DACH1: variants seen among roughly 807,000 people sequenced by gnomAD.
DACH1 encodes the protein dachshund homolog 1.
A neutral mutation model predicts 54.2 loss-of-function variants in DACH1; 12 were observed. That is an observed-to-expected ratio of 0.22 (90% confidence interval 0.14 to 0.36). The LOEUF (loss-of-function observed/expected upper bound fraction) is 0.36. DACH1 is among the 10% of genes least tolerant of loss of function. DACH1 has a pLI of 1.00. For missense variants in DACH1, 805 were observed against 929.8 expected (o/e 0.87, Z 1.75); for synonymous variants, 386 against 366.2 (o/e 1.05, Z -0.62).
At chr13:71,747,649 C>T (rs760979563) in intron 1 of DACH1, among the ~76,000 whole-genome samples, 4 of 152,172 alleles carry the variant, frequency 2.6e-5, no homozygotes, top group Non-Finnish European at 4.4e-5. Flanking sequence ...GGCTGGCTTC[C>T]ATACAAGGAT....
rs1318702086 is a variant in DACH1, at chr13:71,640,624, A to G, written c.965-9907T>C. ...TTTTCAATTATTTAATAAACTAGGC[A>G]TTAGATATCTTCATGTTGGTCTAAG... On this transcript the variant is annotated intron_variant, in intron 2 of 10. Coordinates refer to ENST00000613252, the MANE Select transcript of DACH1 (RefSeq NM_080759.6). Among the ~76,000 whole-genome samples the G allele has an allele frequency of 2.0e-5, 3 of 152,078 alleles. No individual in the cohort carries two copies. The East Asian group carries it at 5.8e-4, about 29-fold the overall frequency.
At chr13:71,533,495 A>C (rs1043222063) in intron 6 of DACH1, among the ~76,000 whole-genome samples, 1 of 151,942 alleles carries the variant, frequency 6.6e-6, no homozygotes, top group Non-Finnish European at 1.5e-5. Flanking sequence ...TATTACTTTA[A>C]AGTCATGACC....
intron 1 of DACH1, among the ~76,000 whole-genome samples, chr13:71,794,282 T>C (rs1886952027): frequency 6.6e-6 from 1 of 152,148 alleles, no homozygotes; most frequent in Admixed American, 6.5e-5. Flanking sequence ...CCCATATGTA[T>C]AGTTATTCAC....
intron 1 of DACH1, among the ~76,000 whole-genome samples, chr13:71,801,564 C>A (rs1324919233): frequency 6.6e-6 from 1 of 151,996 alleles, no homozygotes; most frequent in Non-Finnish European, 1.5e-5. Flanking sequence ...CAGGAGTTCG[C>A]GGTTCCAAGT....
chr13:71,533,613 C>T (rs1206279845), intron 6 of DACH1, among the ~76,000 whole-genome samples: 2 of 151,906 alleles, frequency 1.3e-5, no homozygotes, highest in African/African-American at 4.8e-5. Context: ...TCCTATAAAA[C>T]AGCTTGATAT....
chr13:71,837,691 A>C (rs1002376089), intron 1 of DACH1, among the ~76,000 whole-genome samples: 1 of 131,924 alleles, frequency 7.6e-6, no homozygotes, highest in Non-Finnish European at 1.5e-5. Flanking sequence ...ACTATAAATC[A>C]TGCTGCTATA....
chr13:71,773,867 G>C (rs774792995), intron 1 of DACH1, among the ~76,000 whole-genome samples: 5 of 151,462 alleles, frequency 3.3e-5, no homozygotes, highest in African/African-American at 1.2e-4. Flanking sequence ...CTTCATAAAG[G>C]TTGTTGTTTT....
At chr13:71,687,568 G>A (rs776203984) in intron 1 of DACH1, among the ~76,000 whole-genome samples, 14 of 151,988 alleles carry the variant, frequency 9.2e-5, no homozygotes, top group East Asian at 1.9e-4. Context: ...GAAGATTTTC[G>A]TTTCTCTGTC....
chr13:71,767,064 C>A (rs1404945169), intron 1 of DACH1, among the ~76,000 whole-genome samples: 2 of 152,020 alleles, frequency 1.3e-5, no homozygotes. Flanking sequence ...TCCCCAGTGA[C>A]AGAGTACATT....
chr13:71,497,549 C>T (rs1348612888), intron 6 of DACH1, among the ~76,000 whole-genome samples: 1 of 151,996 alleles, frequency 6.6e-6, no homozygotes, highest in Non-Finnish European at 1.5e-5. Context: ...TCATGCTGGT[C>T]TCGAACTCCC....
At chr13:71,824,521 A>G (rs1325352) in intron 1 of DACH1, among the ~76,000 whole-genome samples, 111,445 of 151,758 alleles carry the variant, frequency 0.73, 41,051 homozygotes, top group East Asian at 0.89. Context: ...CAGGGACTCA[A>G]TGAGTATGTT....
intron 1 of DACH1, among the ~76,000 whole-genome samples, chr13:71,844,742 C>T (rs1319017723): frequency 6.6e-6 from 1 of 151,972 alleles, no homozygotes; most frequent in African/African-American, 2.4e-5. Context: ...TTACTACCCA[C>T]ACTTGATTAA....
intron 10 of DACH1, among the ~76,000 whole-genome samples, chr13:71,456,907 G>A (rs1286888629): frequency 2.0e-5 from 3 of 151,904 alleles, no homozygotes; most frequent in African/African-American, 7.2e-5. Flanking sequence ...AAACGTTGCA[G>A]CCCTAGACAC....
At chr13:71,633,758 G>A (rs1273049641) in intron 2 of DACH1, among the ~76,000 whole-genome samples, 1 of 152,082 alleles carries the variant, frequency 6.6e-6, no homozygotes, top group Non-Finnish European at 1.5e-5. Flanking sequence ...TCACCTGGCT[G>A]TTTGATGGGT....
At chr13:71,538,564 G>A (rs1882947599) in intron 6 of DACH1, among the ~76,000 whole-genome samples, 3 of 151,884 alleles carry the variant, frequency 2.0e-5, no homozygotes, top group South Asian at 4.1e-4. Context: ...CCATTTACAC[G>A]GTCACAAAAT....
chr13:71,482,502 T>C (rs1425800286), intron 7 of DACH1, among the ~76,000 whole-genome samples: 1 of 152,144 alleles, frequency 6.6e-6, no homozygotes, highest in East Asian at 1.9e-4. Flanking sequence ...TTGCTTCTAA[T>C]GAAATTAAAA....
intron 4 of DACH1, among the ~76,000 whole-genome samples, chr13:71,571,278 G>T (rs566265840): frequency 6.6e-6 from 1 of 152,024 alleles, no homozygotes; most frequent in Non-Finnish European, 1.5e-5. Flanking sequence ...TTTGCTTAAA[G>T]TAGCCATTGA....
chr13:71,708,767 C>G (rs1882565310), intron 1 of DACH1, among the ~76,000 whole-genome samples: 1 of 151,690 alleles, frequency 6.6e-6, no homozygotes. Flanking sequence ...TTTCTACATC[C>G]AATTCTTCTC....
At chr13:71,659,077 C>T (rs1013596190) in intron 2 of DACH1, among the ~76,000 whole-genome samples, 4 of 152,062 alleles carry the variant, frequency 2.6e-5, no homozygotes, top group Non-Finnish European at 4.4e-5. Context: ...CTAGAAGTCA[C>T]TACCTCTTTG....
Sources: allele counts gnomAD v4.1 joint callset (sites outside exome capture counted in the v4.1 genomes callset), GRCh38; gene constraint gnomAD v4.1.1; transcripts MANE v1.5; gene names NCBI Gene and HGNC (gene_info 2026-07-23, HGNC 2026-07-21).